Variants in PPFIBP2 observed in about 807,000 individuals in gnomAD.
PPFIBP2 encodes the protein liprin-beta-2.
Under a neutral mutation model 118.3 loss-of-function variants are expected in PPFIBP2, and 118 were observed. That is an observed-to-expected ratio of 1.00 (90% CI 0.86 to 1.16). PPFIBP2 has a LOEUF of 1.16. Ranked by LOEUF, PPFIBP2 falls within the 50% of genes most tolerant of loss-of-function variation. The pLI is 0.00. For missense variants in PPFIBP2, 1,195 were observed against 1,073.1 expected (o/e 1.11, Z -1.59); for synonymous variants, 414 against 397.4 (o/e 1.04, Z -0.50).
At chr11:7,602,861 A>G (rs536109262) in intron 5 of PPFIBP2, among the ~76,000 whole-genome samples, 35 of 152,250 alleles carry the variant, frequency 2.3e-4, no homozygotes, top group African/African-American at 8.4e-4. Flanking sequence ...TAGATTTGCT[A>G]TTTGCTATTG....
At position 7,632,891 on chromosome 11, in the gene PPFIBP2, A is replaced by G; in HGVS notation, c.1093A>G (p.Thr365Ala). ...GATGCCTCCAAGATGTAGCTCTCCT[A>G]CAGTGGGGCCACCTCCATTGCCACA... is the stretch of plus-strand genomic sequence containing the variant. ...QEMPPRCSSP[T>A]VGPPPLPQKS... is the part of the protein sequence containing the mutation. The change falls in exon 12 of 24, where the codon ACA becomes GCA. Residue 365 changes from threonine (T) to alanine (A), a missense_variant. Coordinates refer to ENST00000299492, the MANE Select transcript of PPFIBP2 (RefSeq NM_003621.5). The G allele has an allele frequency of 6.2e-7, 1 of 1,613,888 alleles. No homozygotes were observed.
chr11:7,584,932 T>C (rs540800477), intron 3 of PPFIBP2, among the ~76,000 whole-genome samples: 3 of 152,324 alleles, frequency 2.0e-5, no homozygotes, highest in Non-Finnish European at 4.4e-5. Flanking sequence ...TCCTCTTGAC[T>C]AGGCAGCCTG....
intron 2 of PPFIBP2, among the ~76,000 whole-genome samples, chr11:7,562,110 C>T (rs184281669): frequency 7.9e-4 from 121 of 152,344 alleles, no homozygotes; most frequent in African/African-American, 2.7e-3. Context: ...GAGAATCTAA[C>T]GCCACCAGTG....
chr11:7,525,645 C>T (rs1273159330), intron 1 of PPFIBP2, among the ~76,000 whole-genome samples: 1 of 152,238 alleles, frequency 6.6e-6, no homozygotes, highest in African/African-American at 2.4e-5. Context: ...AGAGTCCAAA[C>T]CAGCTGGATG....
intron 2 of PPFIBP2, among the ~76,000 whole-genome samples, chr11:7,552,251 T>C (rs955840332): frequency 7.9e-5 from 12 of 152,204 alleles, no homozygotes; most frequent in Non-Finnish European, 2.9e-5. Flanking sequence ...TCTTAGAGAG[T>C]TGCCTGTGTT....
intron 3 of PPFIBP2, among the ~76,000 whole-genome samples, chr11:7,591,230 G>A (rs1590413298): frequency 6.6e-6 from 1 of 152,036 alleles, no homozygotes; most frequent in African/African-American, 2.4e-5. Flanking sequence ...ACAGTGGCTT[G>A]CTGGAGTCTC....
chr11:7,600,605 C>T (rs756240033), intron 5 of PPFIBP2, among the ~76,000 whole-genome samples: 4 of 152,188 alleles, frequency 2.6e-5, no homozygotes, highest in Non-Finnish European at 5.9e-5. Flanking sequence ...TGCCTGGAGC[C>T]AAGGCGAGCC....
intron 2 of PPFIBP2, among the ~76,000 whole-genome samples, chr11:7,553,868 G>A (rs190964159): frequency 5.3e-5 from 8 of 152,254 alleles, no homozygotes; most frequent in Non-Finnish European, 7.4e-5. Context: ...TTATGTTGAT[G>A]CATGGGGCTG....
At chr11:7,570,005 C>A (rs889984565) in intron 3 of PPFIBP2, among the ~76,000 whole-genome samples, 1 of 152,188 alleles carries the variant, frequency 6.6e-6, no homozygotes, top group Admixed American at 6.5e-5. Flanking sequence ...GGCATGTAAT[C>A]ATCAGTGGCC....
At chr11:7,596,705 G>T (rs1452012930) in intron 4 of PPFIBP2, among the ~76,000 whole-genome samples, 3 of 152,128 alleles carry the variant, frequency 2.0e-5, no homozygotes, top group Middle Eastern at 3.2e-3. Flanking sequence ...AAGGATCTCA[G>T]TTTATCAACT....
At chr11:7,578,727 G>A (rs994470448) in intron 3 of PPFIBP2, among the ~76,000 whole-genome samples, 3 of 152,138 alleles carry the variant, frequency 2.0e-5, no homozygotes, top group Non-Finnish European at 2.9e-5. Flanking sequence ...GGGTTGGGGC[G>A]GTCAGGGAGT....
intron 2 of PPFIBP2, among the ~76,000 whole-genome samples, chr11:7,549,766 G>C (rs535318138): frequency 6.6e-6 from 1 of 152,098 alleles, no homozygotes; most frequent in South Asian, 2.1e-4. Context: ...GAGACAGTGT[G>C]GATGTACCTA....
chr11:7,644,340 T>C (rs1260730765), intron 17 of PPFIBP2, among the ~76,000 whole-genome samples: 1 of 152,246 alleles, frequency 6.6e-6, no homozygotes, highest in Non-Finnish European at 1.5e-5. Context: ...TTTAAAAACT[T>C]TGAATAATCC....
At chr11:7,615,880 T>C (rs568944568) in intron 6 of PPFIBP2, among the ~76,000 whole-genome samples, 53 of 152,242 alleles carry the variant, frequency 3.5e-4, no homozygotes, top group African/African-American at 1.2e-3. Flanking sequence ...ATAAAATGGA[T>C]GGGGAACTGT....
chr11:7,554,208 G>A (rs929707374), intron 2 of PPFIBP2, among the ~76,000 whole-genome samples: 1 of 152,068 alleles, frequency 6.6e-6, no homozygotes, highest in Admixed American at 6.6e-5. Context: ...CCCAAAGAAT[G>A]TATTTTCTCA....
chr11:7,583,761 T>C (rs556084255), intron 3 of PPFIBP2, among the ~76,000 whole-genome samples: 1 of 152,210 alleles, frequency 6.6e-6, no homozygotes, highest in Non-Finnish European at 1.5e-5. Context: ...AGCCCCTTGG[T>C]TGGAGAGCTG....
chr11:7,664,240 C>G, the PPFIBP2 span, among the ~76,000 whole-genome samples: 1 of 152,120 alleles, frequency 6.6e-6, no homozygotes, highest in Non-Finnish European at 1.5e-5. Context: ...AGAGATGACA[C>G]TTGAATTTGG....
chr11:7,615,443 G>T (rs1848528962), intron 6 of PPFIBP2, among the ~76,000 whole-genome samples: 1 of 152,078 alleles, frequency 6.6e-6, no homozygotes, highest in Non-Finnish European at 1.5e-5. Flanking sequence ...TTAAGGCAGA[G>T]TAGCCCAGAA....
chr11:7,661,248 A>C (rs990399343), downstream of PPFIBP2, among the ~76,000 whole-genome samples: 1 of 144,516 alleles, frequency 6.9e-6, no homozygotes, highest in African/African-American at 2.5e-5. Context: ...TCAGGGTGTC[A>C]ATTTTGGATC....
Sources: allele counts gnomAD v4.1 joint callset (sites outside exome capture counted in the v4.1 genomes callset), GRCh38; gene constraint gnomAD v4.1.1; transcripts MANE v1.5; gene names NCBI Gene and HGNC (gene_info 2026-07-23, HGNC 2026-07-21).